Variants in JMJD1C observed in about 807,000 individuals in gnomAD.
JMJD1C encodes jumonji domain-containing protein 1C.
In JMJD1C, 31 loss-of-function variants were observed where a neutral mutation model predicts 245.3. That is an observed-to-expected ratio of 0.13 (90% CI 0.09 to 0.17). The LOEUF (loss-of-function observed/expected upper bound fraction) is 0.17. Ranked by LOEUF, JMJD1C falls within the 10% of genes least tolerant of loss-of-function variation. JMJD1C has a pLI of 1.00. For missense variants in JMJD1C, 2,691 were observed against 3,000.2 expected, an observed-to-expected ratio of 0.90 and a Z score of 2.41; for synonymous variants, 1,057 against 1,017.4, an observed-to-expected ratio of 1.04 and a Z score of -0.74.
At chr10:63,330,047 T>C (rs1406989555) in intron 2 of JMJD1C, among the ~76,000 whole-genome samples, 3 of 152,250 alleles carry the variant, frequency 2.0e-5, no homozygotes, top group Admixed American at 2.0e-4. Context: ...ACTACAGGCA[T>C]GCGCCACCAC....
intron 1 of JMJD1C, among the ~76,000 whole-genome samples, chr10:63,416,103 A>G (rs1949785970): frequency 6.6e-6 from 1 of 152,124 alleles, no homozygotes; most frequent in Admixed American, 6.6e-5. Context: ...GATGCATTTA[A>G]CCCCTATCAA....
intron 2 of JMJD1C, chr10:63,301,660 G>A: frequency 2.6e-6 from 1 of 391,550 alleles, no homozygotes; most frequent in Non-Finnish European, 5.1e-6. Flanking sequence ...GGCCTGTCCG[G>A]GGCCTGACAA....
intron 2 of JMJD1C, among the ~76,000 whole-genome samples, chr10:63,316,819 G>T (rs1200492240): frequency 1.3e-5 from 2 of 151,998 alleles, no homozygotes. Context: ...TCAAGTTAAG[G>T]TATTTAGAGT....
At chr10:63,420,613 C>T (rs1012956030) in intron 1 of JMJD1C, among the ~76,000 whole-genome samples, 3 of 136,410 alleles carry the variant, frequency 2.2e-5, no homozygotes, top group South Asian at 2.6e-4. Flanking sequence ...GTGGGGGGCG[C>T]GGGGCAGGGT....
At chr10:63,476,705 G>T (rs961553501) in intron 1 of JMJD1C, among the ~76,000 whole-genome samples, 9 of 152,120 alleles carry the variant, frequency 5.9e-5, no homozygotes, top group African/African-American at 2.2e-4. Context: ...CTCCAGCCTG[G>T]ATGACAGAGC....
chr10:63,295,121 C>T lies in JMJD1C; in HGVS notation c.334-30357G>A, dbSNP rs561017202. On this transcript the variant is annotated intron_variant, in intron 2 of 25. Coordinates refer to ENST00000399262, the MANE Select transcript of JMJD1C (RefSeq NM_032776.3). The stretch of plus-strand genomic sequence containing the variant: ...TTTTTGTTTTGAGTGAGGATCTCTC[C>T]GTGTCGTTGGGGCTGGAGTACAGTG... Among the ~76,000 whole-genome samples the T allele has an allele frequency of 7.6e-4, 115 of 152,078 alleles. 3 individuals are homozygous for T. In the South Asian group the frequency reaches 0.017, roughly 22 times the overall value.
At chr10:63,323,589 T>C (rs965561654) in intron 2 of JMJD1C, among the ~76,000 whole-genome samples, 1 of 152,096 alleles carries the variant, frequency 6.6e-6, no homozygotes, top group Non-Finnish European at 1.5e-5. Context: ...ATGTTATCCA[T>C]TCAAAAACCA....
intron 24 of JMJD1C, among the ~76,000 whole-genome samples, chr10:63,174,792 C>A (rs1842729166): frequency 6.6e-6 from 1 of 151,894 alleles, no homozygotes. Flanking sequence ...CAAGATCGCG[C>A]CACTGAGCTC....
At chr10:63,436,604 T>TGTC (rs1187288887) in intron 1 of JMJD1C, among the ~76,000 whole-genome samples, 7 of 152,224 alleles carry the variant, frequency 4.6e-5, no homozygotes, top group Admixed American at 6.5e-5. Context: ...TGTCCTAGTT[T>TGTC]CTGTCCAATA....
At chr10:63,503,014 T>C (rs1313132547) in intron 1 of JMJD1C, among the ~76,000 whole-genome samples, 1 of 152,106 alleles carries the variant, frequency 6.6e-6, no homozygotes, top group African/African-American at 2.4e-5. Flanking sequence ...GATACTATTA[T>C]TATACCCATT....
At chr10:63,394,301 A>G (rs1948308071) in intron 1 of JMJD1C, among the ~76,000 whole-genome samples, 1 of 152,150 alleles carries the variant, frequency 6.6e-6, no homozygotes, top group Non-Finnish European at 1.5e-5. Flanking sequence ...TGACAATTGA[A>G]TTTTTTTAAA....
chr10:63,367,269 G>A (rs374913986), intron 2 of JMJD1C, among the ~76,000 whole-genome samples: 1 of 151,968 alleles, frequency 6.6e-6, no homozygotes, highest in Non-Finnish European at 1.5e-5. Flanking sequence ...TTTGTTTTGA[G>A]ATAGAGTTTC....
intron 2 of JMJD1C, among the ~76,000 whole-genome samples, chr10:63,336,121 A>C (rs1055073177): frequency 6.6e-6 from 1 of 151,878 alleles, no homozygotes; most frequent in Non-Finnish European, 1.5e-5. Flanking sequence ...ACCCTGTCTC[A>C]AAAAAAATAA....
At chr10:63,491,619 G>A (rs77564499) in intron 1 of JMJD1C, among the ~76,000 whole-genome samples, 3,675 of 152,240 alleles carry the variant, frequency 0.024, 105 homozygotes, top group African/African-American at 0.067. Flanking sequence ...ATCTTTAAGA[G>A]CCCTTCTTTA....
intron 1 of JMJD1C, among the ~76,000 whole-genome samples, chr10:63,421,898 G>A (rs1045803515): frequency 6.6e-6 from 1 of 152,148 alleles, no homozygotes; most frequent in African/African-American, 2.4e-5. Flanking sequence ...CTGTGATCTT[G>A]AATTTGTGGC....
At chr10:63,285,272 G>A (rs1023824980) in intron 2 of JMJD1C, among the ~76,000 whole-genome samples, 2 of 152,206 alleles carry the variant, frequency 1.3e-5, no homozygotes, top group African/African-American at 4.8e-5. Context: ...GACTGGGACA[G>A]GAGCAGAACC....
intron 1 of JMJD1C, among the ~76,000 whole-genome samples, chr10:63,461,349 G>A (rs1041598287): frequency 1.4e-4 from 21 of 151,994 alleles, no homozygotes; most frequent in African/African-American, 5.1e-4. Flanking sequence ...AAACAGACCA[G>A]AAATCAGCAT....
intron 1 of JMJD1C, among the ~76,000 whole-genome samples, chr10:63,413,985 C>G (rs903029796): frequency 1.1e-4 from 14 of 132,034 alleles, no homozygotes; most frequent in Non-Finnish European, 1.4e-4. Context: ...GCTATCAATA[C>G]TTTTTTTTTT....
intron 1 of JMJD1C, among the ~76,000 whole-genome samples, chr10:63,495,152 G>A (rs1319320573): frequency 1.3e-5 from 2 of 151,094 alleles, no homozygotes; most frequent in Non-Finnish European, 2.9e-5. Flanking sequence ...TGAATGCCTC[G>A]GGCACAAAGA....
Sources: allele counts gnomAD v4.1 joint callset (sites outside exome capture counted in the v4.1 genomes callset), GRCh38; gene constraint gnomAD v4.1.1; transcripts MANE v1.5; gene names NCBI Gene and HGNC (gene_info 2026-07-23, HGNC 2026-07-21).